Variants in KCNA6 observed in about 807,000 individuals in gnomAD.
KCNA6 encodes potassium voltage-gated channel subfamily A member 6.
A neutral mutation model predicts 29.5 loss-of-function variants in KCNA6; 17 were observed. The ratio of observed to expected loss-of-function variants is 0.58; its 90% CI spans 0.39 to 0.86. The LOEUF is 0.86. KCNA6 is among the 40% of genes least tolerant of loss of function. The pLI is 0.00. For missense variants in KCNA6, 450 were observed against 703.4 expected, an observed-to-expected ratio of 0.64 and a Z score of 4.07; for synonymous variants, 296 against 304.7, an observed-to-expected ratio of 0.97 and a Z score of 0.30.
At chr12:4,842,056 TGTG>T in the KCNA6 span, among the ~76,000 whole-genome samples, 309 of 146,606 alleles carry the variant, frequency 2.1e-3, 1 homozygote, top group African/African-American at 7.4e-3. Flanking sequence ...TGTGTGTGTG[TGTG>T]TGTCTGCTGA....
chr12:4,809,729 C>T, exon 1 of KCNA6: 1 of 301,546 alleles, frequency 3.3e-6, no homozygotes, highest in East Asian at 5.7e-5. Context: ...AGCCACGCGT[C>T]TTTTCGGGCA....
At chr12:4,837,085 G>T in the KCNA6 span, among the ~76,000 whole-genome samples, 2 of 152,308 alleles carry the variant, frequency 1.3e-5, no homozygotes, top group South Asian at 2.1e-4. Flanking sequence ...CCCACAAGGG[G>T]TGAGGGGCTG....
At chr12:4,842,051 G>T in the KCNA6 span, among the ~76,000 whole-genome samples, 3 of 149,678 alleles carry the variant, frequency 2.0e-5, no homozygotes, top group African/African-American at 7.5e-5. Context: ...GTGTGTGTGT[G>T]TGTGTGTGTG....
At chr12:4,828,921 G>GC in the KCNA6 span, among the ~76,000 whole-genome samples, 1 of 152,178 alleles carries the variant, frequency 6.6e-6, no homozygotes, top group Non-Finnish European at 1.5e-5. Context: ...TAATGCAGTT[G>GC]CCTGATAAGA....
At chr12:4,848,965 C>A in the KCNA6 span, among the ~76,000 whole-genome samples, 1 of 151,240 alleles carries the variant, frequency 6.6e-6, no homozygotes, top group African/African-American at 2.4e-5. Context: ...GCTAAAAATA[C>A]AAAAATTAGC....
chr12:4,816,246 ACTGGTGTGT>A (rs1221444621), downstream of KCNA6, among the ~76,000 whole-genome samples: 20 of 131,414 alleles, frequency 1.5e-4, no homozygotes, highest in Admixed American at 5.6e-4. Context: ...AATACCACGA[ACTGGTGTGT>A]GTGTGTGTGT....
At chr12:4,846,624 T>C in the KCNA6 span, among the ~76,000 whole-genome samples, 6 of 152,278 alleles carry the variant, frequency 3.9e-5, no homozygotes, top group South Asian at 4.1e-4. Context: ...TTCAGTAAAC[T>C]TCCCACCAGA....
chr12:4,810,799 C>G lies in KCNA6; in HGVS notation c.758C>G (p.Thr253Ser), dbSNP rs761217013. 23 of 1,590,622 alleles carry G rather than the reference C, an allele frequency of 1.4e-5. No individual in the cohort carries two copies. In the South Asian group the frequency reaches 2.0e-4, roughly 14 times the overall value. Reference sequence around the variant, plus strand: ...ACCGGGGGCTCCTCCTCACTCAGTACTCTTGGGGGCTCCTTCTTTACAGAC... The same window carrying G: ...ACCGGGGGCTCCTCCTCACTCAGTAGTCTTGGGGGCTCCTTCTTTACAGAC... The change falls in exon 1 of 1, where the codon ACT becomes AGT. Residue 253 changes from threonine to serine, a missense_variant. By Grantham distance (58) the Thr-to-Ser change is moderately conservative (BLOSUM62 1). Transcript: ENST00000280684. The surrounding 1 kb of genome is among the most constrained non-coding windows in gnomAD (Gnocchi z 7.5).
chr12:4,828,544 C>T, the KCNA6 span, among the ~76,000 whole-genome samples: 6 of 152,324 alleles, frequency 3.9e-5, no homozygotes, highest in East Asian at 1.2e-3. Context: ...TTCTAGGTAT[C>T]ACCTTTCTCA....
chr12:4,810,610 T>C lies in KCNA6; in HGVS notation c.569T>C (p.Ile190Thr). 6.2e-7 allele frequency: 1 copy of C among 1,614,116 alleles called. No homozygotes were observed. The highest frequency in any genetic ancestry group is 8.5e-7 in the Non-Finnish European group (1 of 1,180,018). Residue 190 changes from isoleucine to threonine, a missense_variant, in exon 1 of 1, where the codon ATC becomes ACC. This residue lies in a region of KCNA6 where 133 missense variants were observed against 217.5 expected (regional missense o/e 0.61). Transcript: ENST00000280684. This position sits in a 1 kb window ranked among gnomAD's most constrained non-coding sequence, Gnocchi z 7.5. ...TTGGTCATTCTCATCTCCATAGTCA[T>C]CTTTTGCCTGGAGACCTTACCCCAG... is the stretch of plus-strand genomic sequence containing the variant.
downstream of KCNA6, among the ~76,000 whole-genome samples, chr12:4,815,754 T>G (rs778151365): frequency 6.6e-6 from 1 of 152,140 alleles, no homozygotes; most frequent in African/African-American, 2.4e-5. Context: ...TAAATCTCTG[T>G]GGTGCAAGGT....
At chr12:4,818,712 T>C in the KCNA6 span, among the ~76,000 whole-genome samples, 2 of 152,106 alleles carry the variant, frequency 1.3e-5, no homozygotes, top group African/African-American at 2.4e-5. Context: ...CTAACTGTTA[T>C]TGGGCAAGAA....
chr12:4,850,730 CCTGGCAGGAAAAATG>C, the KCNA6 span: 1 of 392,662 alleles, frequency 2.5e-6, no homozygotes, highest in East Asian at 7.3e-5. This position sits in a 1 kb window ranked among gnomAD's most constrained non-coding sequence, Gnocchi z 5.4. Context: ...CTGGTTCCTC[CCTGGCAGGAAAAATG>C]CTGGCAGGTG....
chr12:4,817,616 T>C (rs972667424), downstream of KCNA6, among the ~76,000 whole-genome samples: 3 of 152,132 alleles, frequency 2.0e-5, no homozygotes. Context: ...ACATTAACAA[T>C]AGGAGAGGGA....
chr12:4,838,269 G>A, the KCNA6 span, among the ~76,000 whole-genome samples: 2 of 152,208 alleles, frequency 1.3e-5, no homozygotes, highest in African/African-American at 4.8e-5. Context: ...ATCAAGTTGA[G>A]TGGAGATGTT....
At chr12:4,834,013 T>C in the KCNA6 span, among the ~76,000 whole-genome samples, 1 of 151,814 alleles carries the variant, frequency 6.6e-6, no homozygotes, top group East Asian at 1.9e-4. Flanking sequence ...TCTGTAGCCT[T>C]GATGTCTCAG....
chr12:4,844,976 C>T, the KCNA6 span, among the ~76,000 whole-genome samples: 46 of 152,226 alleles, frequency 3.0e-4, no homozygotes, highest in African/African-American at 1.1e-3. The surrounding 1 kb of genome is among the most constrained non-coding windows in gnomAD (Gnocchi z 4.0). Flanking sequence ...ACCCTCTAAA[C>T]ATGGTTTTCT....
chr12:4,829,922 T>C, the KCNA6 span, among the ~76,000 whole-genome samples: 1 of 152,252 alleles, frequency 6.6e-6, no homozygotes, highest in African/African-American at 2.4e-5. Flanking sequence ...TGCCCGAGGC[T>C]GCACAGCTTC....
At chr12:4,828,988 G>C in the KCNA6 span, among the ~76,000 whole-genome samples, 5 of 152,134 alleles carry the variant, frequency 3.3e-5, no homozygotes, top group Non-Finnish European at 5.9e-5. Flanking sequence ...GACGAGCTTG[G>C]GGTCTCTGTG....
Sources: allele counts gnomAD v4.1 joint callset (sites outside exome capture counted in the v4.1 genomes callset), GRCh38; gene constraint gnomAD v4.1.1; regional missense constraint gnomAD v4.1.1; non-coding constraint Gnocchi (gnomAD v3.1); transcripts MANE v1.5; gene names NCBI Gene and HGNC (gene_info 2026-07-23, HGNC 2026-07-21).